Variants in L2HGDH observed in about 807,000 individuals in gnomAD.
The protein encoded by L2HGDH is L-2-hydroxyglutarate dehydrogenase, mitochondrial.
Under a neutral mutation model 51.5 loss-of-function variants are expected in L2HGDH, and 34 were observed. The ratio of observed to expected loss-of-function variants is 0.66; its 90% CI spans 0.50 to 0.88. L2HGDH has a LOEUF of 0.88. Among genes scored for constraint, L2HGDH ranks in the 40% least tolerant of loss-of-function variants. The pLI is 0.00. For synonymous variants in L2HGDH, 198 were observed against 197.9 expected (o/e 1.00, Z -0.01); for missense variants, 558 against 571.9 (o/e 0.98, Z 0.25).
intron 4 of L2HGDH, among the ~76,000 whole-genome samples, chr14:50,286,687 C>T (rs571112411): frequency 6.4e-4 from 97 of 152,278 alleles, no homozygotes; most frequent in African/African-American, 2.0e-3. Flanking sequence ...ATGATTACAA[C>T]TTGGAATCAT....
intron 4 of L2HGDH, among the ~76,000 whole-genome samples, chr14:50,290,906 C>T (rs564477972): frequency 6.6e-6 from 1 of 152,180 alleles, no homozygotes; most frequent in Non-Finnish European, 1.5e-5. Flanking sequence ...ATGTAAAAAA[C>T]ATTTTTAGCA....
At chr14:50,255,025 G>C (rs1329342208) in intron 9 of L2HGDH, among the ~76,000 whole-genome samples, 1 of 152,078 alleles carries the variant, frequency 6.6e-6, no homozygotes, top group Admixed American at 6.6e-5. Context: ...TCCAGCCTGG[G>C]TGACAGAGTG....
rs950574031 is a variant in L2HGDH, at chr14:50,245,648, G to T, written c.*1410C>A. 1 of 981,504 alleles carries T rather than the reference G, an allele frequency of 1.0e-6. No homozygotes were observed. The highest frequency in any genetic ancestry group is 1.8e-5 in the African/African-American group (1 of 57,118). The allele number at this position is 981,504 out of a possible 1,614,324, so 60.8% of individuals were successfully genotyped here. A position where few individuals can be genotyped will look rare whatever the true frequency, so the allele number is the denominator to read the frequency against. ...GTTTTGTGACTCTTCAAAATTAAAA[G>T]AATGTAACCTACAATATAATGTATT... is the stretch of plus-strand genomic sequence containing the variant. On this transcript the variant is annotated 3_prime_UTR_variant, in exon 10 of 10. Transcript: ENST00000267436.
At chr14:50,266,921 C>T (rs1014675620) in intron 8 of L2HGDH, among the ~76,000 whole-genome samples, 2 of 152,180 alleles carry the variant, frequency 1.3e-5, no homozygotes, top group Admixed American at 6.5e-5. Context: ...TCAACACAAT[C>T]GTATTGTTAG....
intron 4 of L2HGDH, among the ~76,000 whole-genome samples, chr14:50,289,479 T>C (rs1231939521): frequency 6.6e-6 from 1 of 152,168 alleles, no homozygotes; most frequent in Non-Finnish European, 1.5e-5. Context: ...ATAACAAATT[T>C]AGTTTAAAGA....
intron 4 of L2HGDH, among the ~76,000 whole-genome samples, chr14:50,287,612 G>A (rs1385277679): frequency 6.7e-6 from 1 of 149,408 alleles, no homozygotes; most frequent in African/African-American, 2.5e-5. Flanking sequence ...CTTGATAGGA[G>A]CACATCAATG....
intron 9 of L2HGDH, among the ~76,000 whole-genome samples, chr14:50,252,637 A>C (rs113179806): frequency 3.3e-5 from 5 of 152,214 alleles, no homozygotes; most frequent in African/African-American, 1.2e-4. Flanking sequence ...TAGAATAGCT[A>C]TATTGATATC....
At chr14:50,249,937 TGTTGCCCA>T (rs1168221965) in intron 9 of L2HGDH, among the ~76,000 whole-genome samples, 2 of 131,336 alleles carry the variant, frequency 1.5e-5, no homozygotes, top group African/African-American at 5.6e-5. Flanking sequence ...AGTCTCGCTC[TGTTGCCCA>T]GGCTGGAGTG....
chr14:50,249,858 G>A (rs564356318), intron 9 of L2HGDH, among the ~76,000 whole-genome samples: 2 of 145,594 alleles, frequency 1.4e-5, no homozygotes, highest in South Asian at 4.4e-4. Context: ...GGTTCTTGGG[G>A]TCCCCAAGTC....
At chr14:50,277,883 A>G (rs913942285) in intron 6 of L2HGDH, among the ~76,000 whole-genome samples, 2 of 152,062 alleles carry the variant, frequency 1.3e-5, no homozygotes, top group African/African-American at 2.4e-5. Context: ...TCCTAGTCCA[A>G]TGAGGTGACA....
chr14:50,258,429 C>T (rs1888804158), intron 9 of L2HGDH, among the ~76,000 whole-genome samples: 1 of 151,978 alleles, frequency 6.6e-6, no homozygotes, highest in Non-Finnish European at 1.5e-5. Flanking sequence ...CACTATATTG[C>T]CCAGGCTGGC....
At chr14:50,283,369 A>G (rs1310061999) in intron 5 of L2HGDH, among the ~76,000 whole-genome samples, 1 of 151,806 alleles carries the variant, frequency 6.6e-6, no homozygotes, top group Admixed American at 6.6e-5. Flanking sequence ...CCAGCACAAG[A>G]CCCTCCAGGA....
rs558129111 is a variant in L2HGDH, at chr14:50,292,599, G to A, written c.540+1516C>T. 7.2e-5 allele frequency among the ~76,000 whole-genome samples: 11 copies of A among 152,172 alleles called. No homozygotes were observed. The South Asian group carries it at 1.5e-3, about 20-fold the overall frequency. ...CGCATGTCTGTAATCCCAGCTACTC[G>A]GGAGGCTGAGGCAGGAGAATCACTT... On this transcript the variant is annotated intron_variant, in intron 4 of 9. Coordinates refer to ENST00000267436, the MANE Select transcript of L2HGDH (RefSeq NM_024884.3).
intron 4 of L2HGDH, among the ~76,000 whole-genome samples, chr14:50,286,775 A>G (rs1348791540): frequency 6.6e-6 from 1 of 152,208 alleles, no homozygotes; most frequent in Non-Finnish European, 1.5e-5. Flanking sequence ...TTACTCATTC[A>G]TCTTTCAAGT....
chr14:50,262,153 G>T (rs1889062992), intron 9 of L2HGDH, among the ~76,000 whole-genome samples: 1 of 152,112 alleles, frequency 6.6e-6, no homozygotes, highest in Admixed American at 6.5e-5. Context: ...ATTGATCTTG[G>T]CCAGGCGCAT....
At chr14:50,276,288 A>G (rs1889976362) in intron 6 of L2HGDH, among the ~76,000 whole-genome samples, 1 of 152,232 alleles carries the variant, frequency 6.6e-6, no homozygotes, top group Non-Finnish European at 1.5e-5. Context: ...AGGCAAAGAG[A>G]ATATGAAATG....
At position 50,253,919 on chromosome 14, in the gene L2HGDH, G is replaced by A. The variant is rs368471784; in HGVS notation, c.1197-6666C>T. Among the ~76,000 whole-genome samples the A allele has an allele frequency of 2.3e-3, 350 of 152,150 alleles. 4 individuals are homozygous for A. The highest frequency in any genetic ancestry group is 7.5e-3 in the African/African-American group (310 of 41,500). ...CATTATGTTAAGTAAAATAAGCCAG[G>A]CACGGAAAGACAAATATCATCCGTT... On this transcript the variant is annotated intron_variant, in intron 9 of 9. Transcript: ENST00000267436.
intron 9 of L2HGDH, 78 bp downstream of exon 9, chr14:50,265,280 C>G: frequency 8.0e-7 from 1 of 1,242,808 alleles, no homozygotes; most frequent in African/African-American, 1.5e-5. Flanking sequence ...ATGGTACTTA[C>G]TAATCACCAA....
intron 5 of L2HGDH, among the ~76,000 whole-genome samples, chr14:50,283,104 G>C (rs1890368285): frequency 6.6e-6 from 1 of 152,052 alleles, no homozygotes; most frequent in East Asian, 1.9e-4. Context: ...GGGCGGCTCA[G>C]GTGGGAGGAT....
Sources: gnomAD v4.1 joint callset for allele counts (sites outside exome capture counted in the v4.1 genomes callset) on GRCh38, gnomAD v4.1.1 for gene constraint, MANE v1.5 for transcripts, NCBI Gene and HGNC (gene_info 2026-07-23, HGNC 2026-07-21) for gene names.